Variants in CSTF3 observed in about 807,000 individuals in gnomAD.
CSTF3 encodes the protein CF-1 77 kDa subunit.
CSTF3 carries 29 observed loss-of-function variants against 105.8 expected under a neutral mutation model. The ratio of observed to expected loss-of-function variants is 0.27; its 90% CI spans 0.20 to 0.37. CSTF3 has a LOEUF of 0.37. Among genes scored for constraint, CSTF3 ranks in the 10% least tolerant of loss-of-function variants. CSTF3 has a pLI of 1.00. For synonymous variants in CSTF3, 252 were observed against 281.9 expected (o/e 0.89, Z 1.06); for missense variants, 357 against 879.3 (o/e 0.41, Z 7.51).
chr11:33,102,121 T>C (rs944467630), intron 10 of CSTF3, 56 bp downstream of exon 10: 2 of 1,483,396 alleles, frequency 1.3e-6, no homozygotes, highest in African/African-American at 2.8e-5. Context: ...CCTATGGGGA[T>C]ACCAAGTGGC....
chr11:33,142,396 A>G (rs978952410), intron 1 of CSTF3, among the ~76,000 whole-genome samples: 3 of 152,212 alleles, frequency 2.0e-5, no homozygotes, highest in Non-Finnish European at 4.4e-5. Context: ...TTATTTTTAT[A>G]TAAGAGACAC....
chr11:33,116,770 C>A (rs1855434929), intron 3 of CSTF3, among the ~76,000 whole-genome samples: 1 of 151,990 alleles, frequency 6.6e-6, no homozygotes, highest in Admixed American at 6.6e-5. Context: ...ACAGAGGTGG[C>A]TTTTAGTGCT....
chr11:33,102,331 C>T lies in CSTF3; in HGVS notation c.672G>A (p.Glu224=), dbSNP rs34542593. ...MNARRVAKEY[E]TVMKGLDRNA... ...TACGGTCCAAGCCTTTCATTACTGT[C>T]TCATATTCCTAGACAACAAGGATTT... Residue 224 remains glutamate (E), a synonymous_variant, in exon 10 of 21, where the codon GAG becomes GAA. Coordinates refer to ENST00000323959, the MANE Select transcript of CSTF3 (RefSeq NM_001326.3). 6.5e-4 allele frequency: 1,046 copies of T among 1,613,976 alleles called. 3 individuals carry two copies. In the Middle Eastern group the frequency reaches 0.01, roughly 16 times the overall value.
intron 3 of CSTF3, among the ~76,000 whole-genome samples, chr11:33,117,386 T>C (rs1189210509): frequency 6.6e-6 from 1 of 152,048 alleles, no homozygotes; most frequent in Non-Finnish European, 1.5e-5. Flanking sequence ...AGAAACTCAT[T>C]GCTTATTACA....
rs1855800426 is a variant in CSTF3, at chr11:33,147,564, G to A, written c.28-5578C>T. ...GAGCCTCCAGCCTGGGCAACAGAGT[G>A]AGACTTAGTCTCAAAAAAAAAAAAG... is the stretch of plus-strand genomic sequence containing the variant. On this transcript the variant is annotated intron_variant, in intron 1 of 20. Transcript: ENST00000323959. Among the ~76,000 whole-genome samples, 3 of 151,462 alleles carry A rather than the reference G, an allele frequency of 2.0e-5. No homozygotes were observed. In the South Asian group the frequency reaches 6.3e-4, roughly 32 times the overall value.
At chr11:33,088,184 C>T (rs1254650218) in intron 17 of CSTF3, among the ~76,000 whole-genome samples, 3 of 151,368 alleles carry the variant, frequency 2.0e-5, no homozygotes, top group African/African-American at 7.4e-5. Flanking sequence ...CCGTTAAACA[C>T]AGAAGCACAT....
At chr11:33,113,265 C>T (rs921633949) in intron 3 of CSTF3, among the ~76,000 whole-genome samples, 2 of 151,796 alleles carry the variant, frequency 1.3e-5, no homozygotes, top group East Asian at 3.9e-4. Context: ...CCATTATATG[C>T]ATACAAATAA....
At chr11:33,094,416 A>G (rs541393227) in intron 15 of CSTF3, among the ~76,000 whole-genome samples, 6 of 152,178 alleles carry the variant, frequency 3.9e-5, no homozygotes, top group Admixed American at 6.5e-5. Context: ...GATCCTATTC[A>G]TCTTTGTATT....
intron 3 of CSTF3, among the ~76,000 whole-genome samples, chr11:33,136,509 G>C (rs1565015723): frequency 6.6e-6 from 1 of 151,956 alleles, no homozygotes; most frequent in Non-Finnish European, 1.5e-5. Flanking sequence ...CAAAGGAATA[G>C]CTGTTTCAAA....
In CSTF3 at chr11:33,144,900, C is replaced by T. The variant is rs766782224; in HGVS notation, c.28-2914G>A. The T allele has an allele frequency of 5.3e-5, 13 of 245,758 alleles. 1 individual carries two copies. Among genetic ancestry groups the T allele is most frequent in the South Asian group, 3.4e-4 (9 of 26,132 alleles). The allele number at this position is 245,758 out of a possible 1,614,324, so 15.2% of individuals were successfully genotyped here. On this transcript the variant is annotated intron_variant, in intron 1 of 20. Coordinates refer to ENST00000323959, the MANE Select transcript of CSTF3 (RefSeq NM_001326.3). ...AAGCTGCGGTGGGATCGCTTGAGCC[C>T]GGGAGGGAGAAGTTGCAGGGAACTG...
chr11:33,136,833 A>G (rs1855658832), intron 3 of CSTF3, among the ~76,000 whole-genome samples: 1 of 151,894 alleles, frequency 6.6e-6, no homozygotes, highest in African/African-American at 2.4e-5. Flanking sequence ...ATTATCCCCT[A>G]TGATCCTAAT....
chr11:33,150,283 CT>C (rs2133806031), intron 1 of CSTF3, among the ~76,000 whole-genome samples: 1 of 151,318 alleles, frequency 6.6e-6, no homozygotes, highest in African/African-American at 2.4e-5. Context: ...CAATGCCCTT[CT>C]GTAACAAACT....
chr11:33,150,438 G>A (rs1185619973), intron 1 of CSTF3, among the ~76,000 whole-genome samples: 1 of 152,112 alleles, frequency 6.6e-6, no homozygotes, highest in Admixed American at 6.6e-5. Flanking sequence ...ATGGGGAACA[G>A]GCAGGGACCC....
Position 33,090,751 on chromosome 11 carries a change from ATACTT to A in CSTF3, c.1446-29_1446-25del, listed in dbSNP as rs763285461. ...CTCTGCAAGAAAAGAAATACAATCA[ATACTT>A]TAATTATTCTGGGTTTAGGGCAGGG... On this transcript the variant is annotated intron_variant, in intron 16 of 20. Transcript: ENST00000323959. The A allele has an allele frequency of 1.5e-5, 22 of 1,470,334 alleles. 1 individual carries two copies. In the South Asian group the frequency reaches 2.9e-4, roughly 20 times the overall value. The allele number at this position is 1,470,334 out of a possible 1,614,324, so 91.1% of individuals were successfully genotyped here. A position where few individuals can be genotyped will look rare whatever the true frequency, so the allele number is the denominator to read the frequency against.
At chr11:33,090,320 T>G (rs1034185513) in intron 17 of CSTF3, among the ~76,000 whole-genome samples, 3 of 152,240 alleles carry the variant, frequency 2.0e-5, no homozygotes, top group African/African-American at 7.2e-5. Flanking sequence ...AATGAAACTA[T>G]TAAATCCCAT....
intron 3 of CSTF3, among the ~76,000 whole-genome samples, chr11:33,138,234 C>T (rs1240402835): frequency 6.6e-6 from 1 of 151,722 alleles, no homozygotes; most frequent in Non-Finnish European, 1.5e-5. Flanking sequence ...AAAAAACATG[C>T]TTCAGTAAAA....
chr11:33,090,774 G>C lies in CSTF3; in HGVS notation c.1446-47C>G, dbSNP rs112050344. On this transcript the variant is annotated intron_variant, in intron 16 of 20. Coordinates refer to ENST00000323959, the MANE Select transcript of CSTF3 (RefSeq NM_001326.3). Reference sequence around the variant, plus strand: ...CAATACTTTAATTATTCTGGGTTTAGGGCAGGGAGTTCATTTACAAAAACG... The same window carrying C: ...CAATACTTTAATTATTCTGGGTTTACGGCAGGGAGTTCATTTACAAAAACG... 24 of 1,338,244 alleles carry C rather than the reference G, an allele frequency of 1.8e-5. No homozygotes were observed. The African/African-American group carries it at 1.9e-4, about 11-fold the overall frequency. The allele number at this position is 1,338,244 out of a possible 1,614,324, so 82.9% of individuals were successfully genotyped here.
intron 3 of CSTF3, among the ~76,000 whole-genome samples, chr11:33,115,876 TGAGACCAGTCTGGGCAAC>T (rs1187599730): frequency 6.6e-6 from 1 of 152,154 alleles, no homozygotes; most frequent in East Asian, 1.9e-4. Context: ...GCCAGGAATT[TGAGACCAGTCTGGGCAAC>T]ATGGTGAGAT....
chr11:33,111,122 C>T lies in CSTF3; in HGVS notation c.226-2704G>A, dbSNP rs547263182. On this transcript the variant is annotated intron_variant, in intron 3 of 20. Transcript: ENST00000323959. ...GCCGGCGCCTGTAATCCCAGCTACTCGGGAGGCTGAGGCAGGAGAATCACT... is the reference window on the plus strand; with the variant it reads ...GCCGGCGCCTGTAATCCCAGCTACTTGGGAGGCTGAGGCAGGAGAATCACT... Among the ~76,000 whole-genome samples the T allele has an allele frequency of 7.2e-5, 11 of 152,008 alleles. 2 individuals carry two copies. Among genetic ancestry groups the T allele is most frequent in the African/African-American group, 2.4e-4 (10 of 41,458 alleles).
Sources: gnomAD v4.1 joint callset for allele counts (sites outside exome capture counted in the v4.1 genomes callset) on GRCh38, gnomAD v4.1.1 for gene constraint, MANE v1.5 for transcripts, NCBI Gene and HGNC (gene_info 2026-07-23, HGNC 2026-07-21) for gene names.